Variants in PRPF3 observed in about 807,000 individuals in gnomAD.
The protein encoded by PRPF3 is pre-mRNA processing factor 3, also known as U4/U6 small nuclear ribonucleoprotein Prp3.
PRPF3 carries 3 observed loss-of-function variants against 89.2 expected under a neutral mutation model. The observed-to-expected ratio is 0.03, with a 90% CI of 0.02 to 0.09. The LOEUF (loss-of-function observed/expected upper bound fraction) is 0.09. PRPF3 is among the 10% of genes least tolerant of loss of function. The probability of loss-of-function intolerance (pLI) is 1.00; values close to 1 mark genes in which losing one functional copy is unlikely to be tolerated. For synonymous variants in PRPF3, 270 were observed against 289.1 expected (o/e 0.93, Z 0.67); for missense variants, 463 against 828.8 (o/e 0.56, Z 5.42).
chr1:150,328,828 C>T (rs1656005654), intron 4 of PRPF3, among the ~76,000 whole-genome samples: 2 of 151,698 alleles, frequency 1.3e-5, no homozygotes, highest in Non-Finnish European at 2.9e-5. Context: ...GCTAGAATTA[C>T]AGGAGCGAGC....
At position 150,337,499 on chromosome 1, in the gene PRPF3, A is replaced by G. The variant is rs148631740; in HGVS notation, c.1036-661A>G. 4.0e-4 allele frequency among the ~76,000 whole-genome samples: 61 copies of G among 152,194 alleles called. No individual in the cohort carries two copies. The East Asian group carries it at 0.011, about 28-fold the overall frequency. On this transcript the variant is annotated intron_variant, in intron 7 of 15. Transcript: ENST00000324862. ...ATTATGAACTTGTTGCGTTAGGTGT[A>G]AAGAGTTCAACGGGGAAGTGTTTTA...
chr1:150,337,799 G>T (rs1657212780), intron 7 of PRPF3, among the ~76,000 whole-genome samples: 1 of 151,764 alleles, frequency 6.6e-6, no homozygotes, highest in Non-Finnish European at 1.5e-5. Flanking sequence ...TTCTGGCCGG[G>T]CACAGTGGCT....
At chr1:150,342,570 C>T (rs1657869392) in intron 9 of PRPF3, among the ~76,000 whole-genome samples, 1 of 151,940 alleles carries the variant, frequency 6.6e-6, no homozygotes, top group Non-Finnish European at 1.5e-5. Flanking sequence ...GGCTAGAGTG[C>T]AGTGGCAAGT....
At chr1:150,326,005 T>C in intron 3 of PRPF3, 124 bp downstream of exon 3, 7 of 1,229,184 alleles carry the variant, frequency 5.7e-6, no homozygotes, top group Non-Finnish European at 8.2e-6. Flanking sequence ...GAGAGGTACT[T>C]AGACATTAGA....
chr1:150,333,267 G>C lies in PRPF3; in HGVS notation c.728+68G>C. 3.3e-6 allele frequency: 5 copies of C among 1,531,986 alleles called. No homozygotes were observed. The South Asian group carries it at 3.5e-5, about 11-fold the overall frequency. 94.9% of individuals were successfully genotyped at this position (1,531,986 alleles called of 1,614,324 possible). ...TGAGAAGCAATAAATACCTTTGAAT[G>C]TTACTGATCTGGCTGGGCGCAGTGC... On this transcript the variant is annotated intron_variant, in intron 6 of 15. Transcript: ENST00000324862.
At chr1:150,324,555 C>G (rs971805582) in intron 1 of PRPF3, among the ~76,000 whole-genome samples, 2 of 16,082 alleles carry the variant, frequency 1.2e-4, no homozygotes, top group South Asian at 7.1e-3. Context: ...TCACTTTAGT[C>G]TTTTTTTTTT....
Position 150,324,950 on chromosome 1 carries a change from T to C in PRPF3, c.8T>C (p.Leu3Pro), listed in dbSNP as rs1553863299. 1 of 1,610,116 alleles carries C rather than the reference T, an allele frequency of 6.2e-7. No individual in the cohort carries two copies. The highest frequency in any genetic ancestry group is 8.5e-7 in the Non-Finnish European group (1 of 1,178,178). Reference protein sequence around the residue: MALSKRELDELKP... With the variant: MAPSKRELDELKP... Reference sequence around the variant, plus strand: ...TTCTCTTTTTCCTGAAAAATGGCACTGTCAAAGAGGGAGCTGGATGAGCTG... The same window carrying C: ...TTCTCTTTTTCCTGAAAAATGGCACCGTCAAAGAGGGAGCTGGATGAGCTG... The change falls in exon 2 of 16, where the codon CTG becomes CCG. Residue 3 changes from leucine (L) to proline (P), a missense_variant. Transcript: ENST00000324862.
At position 150,339,411 on chromosome 1, in the gene PRPF3, C is replaced by T. The variant is rs587726358; in HGVS notation, c.1203-987C>T. Among the ~76,000 whole-genome samples the T allele has an allele frequency of 4.0e-5, 6 of 150,608 alleles. No individual in the cohort carries two copies. In the East Asian group the frequency reaches 9.7e-4, roughly 24 times the overall value. ...AAGGATATAAGACACATTTGAAGAG[C>T]TTTAAATATATCTGCTCCATCCATT... is the stretch of plus-strand genomic sequence containing the variant. On this transcript the variant is annotated intron_variant, in intron 8 of 15. Coordinates refer to ENST00000324862, the MANE Select transcript of PRPF3 (RefSeq NM_004698.4).
At chr1:150,349,110 A>G in intron 14 of PRPF3, 47 bp from the exon 15 acceptor site, 2 of 1,464,894 alleles carry the variant, frequency 1.4e-6, no homozygotes, top group Non-Finnish European at 1.9e-6. Context: ...TTATTTGTTT[A>G]GAACCTGAAT....
chr1:150,342,277 G>T lies in PRPF3; in HGVS notation c.1283-1032G>T, dbSNP rs139216768. 8.4e-3 allele frequency among the ~76,000 whole-genome samples: 1,275 copies of T among 151,746 alleles called. 24 individuals carry two copies. The highest frequency in any genetic ancestry group is 0.029 in the African/African-American group (1,220 of 41,450). On this transcript the variant is annotated intron_variant, in intron 9 of 15. Coordinates refer to ENST00000324862, the MANE Select transcript of PRPF3 (RefSeq NM_004698.4). Reference sequence around the variant, plus strand: ...TGCCTGTAGTCCCAGCTACTCAGGAGGCTGAGGCAGGAGAATGGTGTGAAC... The same window carrying T: ...TGCCTGTAGTCCCAGCTACTCAGGATGCTGAGGCAGGAGAATGGTGTGAAC...
rs71083901 is a variant in PRPF3 at position 150,323,173 on chromosome 1, C to CTTTTTTTTTT, written c.-49+1596_-49+1605dup. 9.1e-3 allele frequency among the ~76,000 whole-genome samples: 438 copies of CTTTTTTTTTT among 48,282 alleles called. 105 individuals are homozygous for CTTTTTTTTTT. Among genetic ancestry groups the CTTTTTTTTTT allele is most frequent in the Admixed American group, 0.012 (30 of 2,554 alleles). 31.7% of individuals were successfully genotyped at this position (48,282 alleles called of 152,430 possible). On this transcript the variant is annotated intron_variant, in intron 1 of 15. Transcript: ENST00000324862. ...TACAGGCGTGAGCCACCGCACCTGG[C>CTTTTTTTTTT]TTTTTTTTTTTTTTTTTTTTTTTTG...
At chr1:150,349,896 C>CGGGGGGGT (rs1263956508) in intron 15 of PRPF3, among the ~76,000 whole-genome samples, 1,043 of 25,194 alleles carry the variant, frequency 0.041, 9 homozygotes, top group Non-Finnish European at 0.084. Flanking sequence ...GGCGGGGGGG[C>CGGGGGGGT]GGGGGGCGGT....
At chr1:150,352,222 T>C (rs1560125695) in intron 15 of PRPF3, among the ~76,000 whole-genome samples, 1 of 152,202 alleles carries the variant, frequency 6.6e-6, no homozygotes, top group Non-Finnish European at 1.5e-5. Flanking sequence ...ATTTAGTCCT[T>C]AAGGCCTGGT....
At chr1:150,333,400 C>T (rs1423206620) in intron 6 of PRPF3, among the ~76,000 whole-genome samples, 1 of 152,098 alleles carries the variant, frequency 6.6e-6, no homozygotes, top group Non-Finnish European at 1.5e-5. Context: ...AAACCCATCT[C>T]TACTAAAAAT....
intron 12 of PRPF3, among the ~76,000 whole-genome samples, chr1:150,345,356 T>C (rs1658170248): frequency 6.6e-6 from 1 of 151,938 alleles, no homozygotes; most frequent in East Asian, 1.9e-4. Context: ...TATTTATTTA[T>C]TTATTTATTT....
chr1:150,339,752 T>G (rs1657487718), intron 8 of PRPF3, among the ~76,000 whole-genome samples: 1 of 150,378 alleles, frequency 6.6e-6, no homozygotes, highest in Non-Finnish European at 1.5e-5. Context: ...TTTTTTTTTT[T>G]TTTTTTTTTA....
Position 150,352,861 on chromosome 1 carries a change from A to G in PRPF3, c.1934A>G (p.Glu645Gly), listed in dbSNP as rs1553874707. The stretch of plus-strand genomic sequence containing the variant: ...ACAGCCAAAGACCGGAGCTTTGGAG[A>G]GATGAAGTTTAAACAGTGTCCTACA... ...EGTAKDRSFG[E>G]MKFKQCPTEN... is the part of the protein sequence containing the mutation. Residue 645 changes from glutamate (E) to glycine (G), a missense_variant, in exon 16 of 16, where the codon GAG becomes GGG. Around this residue, in one of 8 missense-constraint regions of PRPF3, gnomAD observed 78 missense variants for 96.6 expected, o/e 0.81. Coordinates refer to ENST00000324862, the MANE Select transcript of PRPF3 (RefSeq NM_004698.4). 3 of 1,614,090 alleles carry G rather than the reference A, an allele frequency of 1.9e-6. No homozygotes were observed. The highest frequency in any genetic ancestry group is 2.5e-6 in the Non-Finnish European group (3 of 1,179,992).
At position 150,325,050 on chromosome 1, in the gene PRPF3, C is replaced by T. The variant is rs1553863345; in HGVS notation, c.108C>T (p.Asn36=). 6.2e-7 allele frequency: 1 copy of T among 1,613,730 alleles called. No individual in the cohort carries two copies. The highest frequency in any genetic ancestry group is 1.7e-5 in the Admixed American group (1 of 59,930). The change falls in exon 2 of 16, where the codon AAC becomes AAT. Residue 36 remains asparagine (N), a synonymous_variant. Transcript: ENST00000324862. The part of the protein sequence containing the change: ...SEPTVVTAAL[N]CVGKGMDKKK... ...CTACGGTGGTCACAGCAGCATTGAA[C>T]TGTGTGGGGAAGGGCATGGACAAGA...
intron 4 of PRPF3, among the ~76,000 whole-genome samples, chr1:150,331,690 A>G (rs1553865612): frequency 6.6e-6 from 1 of 152,176 alleles, no homozygotes; most frequent in African/African-American, 2.4e-5. Context: ...AATTTTGAAT[A>G]TATCACCTAT....
Sources: allele counts gnomAD v4.1 joint callset (sites outside exome capture counted in the v4.1 genomes callset), GRCh38; gene constraint gnomAD v4.1.1; regional missense constraint gnomAD v4.1.1; transcripts MANE v1.5; gene names NCBI Gene and HGNC (gene_info 2026-07-23, HGNC 2026-07-21).